Variants in LTB4R2 observed in about 807,000 individuals in gnomAD.
LTB4R2 encodes the protein leukotriene B4 receptor 2.
A neutral mutation model predicts 5.3 loss-of-function variants in LTB4R2; 6 were observed. That is an observed-to-expected ratio of 1.14 (90% CI 0.62 to 2.24). The LOEUF is 2.24. Among genes scored for constraint, LTB4R2 ranks in the 30% most tolerant of loss-of-function variants. The pLI, the probability that LTB4R2 is intolerant of heterozygous loss-of-function variation, is 0.00. For missense variants in LTB4R2, 560 were observed against 521.5 expected (o/e 1.07, Z -0.72); for synonymous variants, 310 against 264.2 (o/e 1.17, Z -1.68).
At position 24,310,817 on chromosome 14, in the gene LTB4R2, A is replaced by G; in HGVS notation, c.153A>G (p.Ala51=). The part of the protein sequence containing the change: ...VVWSLAGWRP[A]RGRPLAATLV... ...GGAGCTTGGCGGGCTGGCGGCCTGCACGGGGGCGACCGCTGGCGGCCACGC... is the reference window on the plus strand; with the variant it reads ...GGAGCTTGGCGGGCTGGCGGCCTGCGCGGGGGCGACCGCTGGCGGCCACGC... Residue 51 remains alanine, a synonymous_variant, in exon 2 of 2, where the codon GCA becomes GCG. Transcript: ENST00000533293. The G allele has an allele frequency of 6.3e-7, 1 of 1,595,036 alleles. No individual in the cohort carries two copies. The highest frequency in any genetic ancestry group is 8.5e-7 in the Non-Finnish European group (1 of 1,173,790).
Position 24,310,899 on chromosome 14 carries a change from G to T in LTB4R2, c.235G>T (p.Val79Leu). 1 of 1,593,294 alleles carries T rather than the reference G, an allele frequency of 6.3e-7. No homozygotes were observed. Among genetic ancestry groups the T allele is most frequent in the Non-Finnish European group, 8.5e-7 (1 of 1,176,982 alleles). The stretch of plus-strand genomic sequence containing the variant: ...GGTGCTGCTGCTCACGCCGCTCTTT[G>T]TGGCCTTCCTGACCCGGCAGGCCTG... ...GAVLLLTPLFVAFLTRQAWPL... is the reference protein window; with the variant it reads ...GAVLLLTPLFLAFLTRQAWPL... Residue 79 changes from valine to leucine, a missense_variant, in exon 2 of 2, where the codon GTG becomes TTG. By Grantham distance (32) the Val-to-Leu change is conservative. Coordinates refer to ENST00000533293, the MANE Select transcript of LTB4R2 (RefSeq NM_019839.5).
In LTB4R2 at chr14:24,311,903, A is replaced by G; in HGVS notation, c.*162A>G. 3 of 662,642 alleles carry G rather than the reference A, an allele frequency of 4.5e-6. No individual in the cohort carries two copies. The highest frequency in any genetic ancestry group is 2.8e-5 in the East Asian group (1 of 35,794). 41.0% of individuals were successfully genotyped at this position (662,642 alleles called of 1,614,324 possible). Reference sequence around the variant, plus strand: ...CTTGGGGCAGGCCCAGGCTCCTCCAAACTGAGGGATTATGAGGGTGGTGAT... The same window carrying G: ...CTTGGGGCAGGCCCAGGCTCCTCCAGACTGAGGGATTATGAGGGTGGTGAT... On this transcript the variant is annotated 3_prime_UTR_variant, in exon 2 of 2. Coordinates refer to ENST00000533293, the MANE Select transcript of LTB4R2 (RefSeq NM_019839.5).
Position 24,310,611 on chromosome 14 carries a change from C to T in LTB4R2, c.-10-44C>T, listed in dbSNP as rs373982791. The T allele has an allele frequency of 1.1e-4, 167 of 1,583,956 alleles. 1 individual carries two copies. Among genetic ancestry groups the T allele is most frequent in the Admixed American group, 3.7e-4 (22 of 59,956 alleles). On this transcript the variant is annotated intron_variant, in intron 1 of 1. Coordinates refer to ENST00000533293, the MANE Select transcript of LTB4R2 (RefSeq NM_019839.5). ...TCGGGCATCACAGGTGGGGTTTTGCCCCACCCCTGAACGCCCTCTGTGGCG... is the reference window on the plus strand; with the variant it reads ...TCGGGCATCACAGGTGGGGTTTTGCTCCACCCCTGAACGCCCTCTGTGGCG...
At position 24,311,303 on chromosome 14, in the gene LTB4R2, G is replaced by C. The variant is rs2041695763; in HGVS notation, c.639G>C (p.Trp213Cys). Residue 213 changes from tryptophan (W) to cysteine (C), a missense_variant, in exon 2 of 2, where the codon TGG becomes TGC. Coordinates refer to ENST00000533293, the MANE Select transcript of LTB4R2 (RefSeq NM_019839.5). The stretch of plus-strand genomic sequence containing the variant: ...TGGCACGGCTGCGGGGCGCCCGCTG[G>C]GGCTCCGGGCGGCACGGGGCGCGGG... ...VTLARLRGAR[W>C]GSGRHGARVG... The C allele has an allele frequency of 1.3e-6, 2 of 1,592,094 alleles. No individual in the cohort carries two copies. Among genetic ancestry groups the C allele is most frequent in the South Asian group, 1.1e-5 (1 of 89,082 alleles).
intron 1 of LTB4R2, 129 bp downstream of exon 1, chr14:24,310,384 G>C: frequency 1.6e-6 from 1 of 617,496 alleles, no homozygotes. Context: ...ACAGCCTGGG[G>C]TGATGACTTT....
chr14:24,311,029 C>T lies in LTB4R2; in HGVS notation c.365C>T (p.Ala122Val). The change falls in exon 2 of 2, where the codon GCA becomes GTA. Residue 122 changes from alanine to valine, a missense_variant. Coordinates refer to ENST00000533293, the MANE Select transcript of LTB4R2 (RefSeq NM_019839.5). ...TGLLSLQRCLAVTRPFLAPRL... is the reference protein window; with the variant it reads ...TGLLSLQRCLVVTRPFLAPRL... Reference sequence around the variant, plus strand: ...CTGCTCAGCCTGCAGCGCTGCCTCGCAGTCACCCGCCCCTTCCTGGCGCCT... The same window carrying T: ...CTGCTCAGCCTGCAGCGCTGCCTCGTAGTCACCCGCCCCTTCCTGGCGCCT... 2 of 1,582,272 alleles carry T rather than the reference C, an allele frequency of 1.3e-6. No individual in the cohort carries two copies. The highest frequency in any genetic ancestry group is 2.2e-5 in the South Asian group (2 of 89,034).
At position 24,311,710 on chromosome 14, in the gene LTB4R2, T is replaced by G; in HGVS notation, c.1046T>G (p.Met349Arg). The change falls in exon 2 of 2, where the codon ATG (methionine) becomes AGG (arginine). Residue 349 changes from methionine (M) to arginine (R), a missense_variant. Met to Arg is a moderately conservative substitution (Grantham distance 91). Coordinates refer to ENST00000533293, the MANE Select transcript of LTB4R2 (RefSeq NM_019839.5). ...GGCAATGGAGACCCGGGGGGTGGGA[T>G]GGAGAAGGACGGTCCGGAATGGGAC... ...GRGNGDPGGG[M>R]EKDGPEWDL is the part of the protein sequence containing the mutation. 6.2e-7 allele frequency: 1 copy of G among 1,604,594 alleles called. No individual in the cohort carries two copies.
rs746485780 is a variant in LTB4R2 at position 24,311,033 on chromosome 14, C to T, written c.369C>T (p.Val123=). Residue 123 remains valine, a synonymous_variant, in exon 2 of 2, where the codon GTC becomes GTT. Transcript: ENST00000533293. Reference sequence around the variant, plus strand: ...TCAGCCTGCAGCGCTGCCTCGCAGTCACCCGCCCCTTCCTGGCGCCTCGGC... The same window carrying T: ...TCAGCCTGCAGCGCTGCCTCGCAGTTACCCGCCCCTTCCTGGCGCCTCGGC... ...GLLSLQRCLA[V]TRPFLAPRLR... is the part of the protein sequence containing the mutation. 5.1e-6 allele frequency: 8 copies of T among 1,580,510 alleles called. No individual in the cohort carries two copies. The East Asian group carries it at 1.2e-4, about 23-fold the overall frequency.
At position 24,311,266 on chromosome 14, in the gene LTB4R2, A is replaced by G. The variant is rs762925143; in HGVS notation, c.602A>G (p.Tyr201Cys). Residue 201 changes from tyrosine to cysteine, a missense_variant, in exon 2 of 2, where the codon TAC becomes TGC. Coordinates refer to ENST00000533293, the MANE Select transcript of LTB4R2 (RefSeq NM_019839.5). ...CCTTTCGGGCTGATGCTCGGCTGCTACAGCGTGACGCTGGCACGGCTGCGG... is the reference window on the plus strand; with the variant it reads ...CCTTTCGGGCTGATGCTCGGCTGCTGCAGCGTGACGCTGGCACGGCTGCGG... Reference protein sequence around the residue: ...VLPFGLMLGCYSVTLARLRGA... With the variant: ...VLPFGLMLGCCSVTLARLRGA... The G allele has an allele frequency of 6.2e-6, 10 of 1,601,960 alleles. No homozygotes were observed. Among genetic ancestry groups the G allele is most frequent in the Admixed American group, 3.4e-5 (2 of 58,632 alleles).
Position 24,311,352 on chromosome 14 carries a change from G to C in LTB4R2, c.688G>C (p.Val230Leu). 6.2e-7 allele frequency: 1 copy of C among 1,605,772 alleles called. No individual in the cohort carries two copies. The highest frequency in any genetic ancestry group is 1.1e-5 in the South Asian group (1 of 90,942). Residue 230 changes from valine to leucine, a missense_variant, in exon 2 of 2, where the codon GTG becomes CTG. Physicochemically the swap from Val to Leu is conservative, Grantham distance 32. Coordinates refer to ENST00000533293, the MANE Select transcript of LTB4R2 (RefSeq NM_019839.5). ...ARVGRLVSAIVLAFGLLWAPY... is the reference protein window; with the variant it reads ...ARVGRLVSAILLAFGLLWAPY... ...GGTGGGCCGGCTGGTGAGCGCCATC[G>C]TGCTTGCCTTCGGCTTGCTCTGGGC...
Position 24,311,140 on chromosome 14 carries a change from A to G in LTB4R2, c.476A>G (p.Tyr159Cys), listed in dbSNP as rs771073522. The change falls in exon 2 of 2, where the codon TAC (tyrosine) becomes TGC (cysteine). Residue 159 changes from tyrosine (Y) to cysteine (C), a missense_variant. Physicochemically the swap from Tyr to Cys is radical, Grantham distance 194. Coordinates refer to ENST00000533293, the MANE Select transcript of LTB4R2 (RefSeq NM_019839.5). Reference sequence around the variant, plus strand: ...TTGCTCGCCGTCCCGGCCGCCGTCTACCGCCACCTGTGGAGGGACCGCGTA... The same window carrying G: ...TTGCTCGCCGTCCCGGCCGCCGTCTGCCGCCACCTGTGGAGGGACCGCGTA... The part of the protein sequence containing the change: ...ALLLAVPAAV[Y>C]RHLWRDRVCQ... The G allele has an allele frequency of 2.5e-6, 4 of 1,593,294 alleles. No homozygotes were observed. Among genetic ancestry groups the G allele is most frequent in the Non-Finnish European group, 3.4e-6 (4 of 1,173,716 alleles).
chr14:24,310,739 C>A lies in LTB4R2; in HGVS notation c.75C>A (p.Ala25=). 1 of 1,611,904 alleles carries A rather than the reference C, an allele frequency of 6.2e-7. No homozygotes were observed. Among genetic ancestry groups the A allele is most frequent in the Non-Finnish European group, 8.5e-7 (1 of 1,179,850 alleles). Residue 25 remains alanine (A), a synonymous_variant, in exon 2 of 2, where the codon GCC becomes GCA. Coordinates refer to ENST00000533293, the MANE Select transcript of LTB4R2 (RefSeq NM_019839.5). ...AGACTTCGCGGGCCACAGGCACAGC[C>A]TTCCTGCTGCTGGCGGCGCTGCTGG... ...SWKTSRATGT[A]FLLLAALLGL...
At position 24,311,389 on chromosome 14, in the gene LTB4R2, C is replaced by A. The variant is rs1232187243; in HGVS notation, c.725C>A (p.Ala242Glu). ...AFGLLWAPYH[A>E]VNLLQAVAAL... ...GGCTTGCTCTGGGCCCCCTACCACGCAGTCAACCTTCTGCAGGCGGTCGCA... is the reference window on the plus strand; with the variant it reads ...GGCTTGCTCTGGGCCCCCTACCACGAAGTCAACCTTCTGCAGGCGGTCGCA... Residue 242 changes from alanine (A) to glutamate (E), a missense_variant, in exon 2 of 2, where the codon GCA (alanine) becomes GAA (glutamate). Transcript: ENST00000533293. The A allele has an allele frequency of 1.9e-6, 3 of 1,602,736 alleles. No homozygotes were observed. The African/African-American group carries it at 4.0e-5, about 21-fold the overall frequency.
chr14:24,310,513 G>C, intron 1 of LTB4R2, 142 bp from the exon 2 acceptor site: 1 of 841,528 alleles, frequency 1.2e-6, no homozygotes, highest in Admixed American at 2.0e-5. Flanking sequence ...CTGGGTCCTC[G>C]TGGAAGTCAG....
At position 24,311,655 on chromosome 14, in the gene LTB4R2, C is replaced by T. The variant is rs2041709400; in HGVS notation, c.991C>T (p.Pro331Ser). 1 of 1,613,000 alleles carries T rather than the reference C, an allele frequency of 6.2e-7. No individual in the cohort carries two copies. The highest frequency in any genetic ancestry group is 8.5e-7 in the Non-Finnish European group (1 of 1,179,504). Residue 331 changes from proline (P) to serine (S), a missense_variant, in exon 2 of 2, where the codon CCT becomes TCT. Physicochemically the swap from Pro to Ser is moderately conservative, Grantham distance 74. Coordinates refer to ENST00000533293, the MANE Select transcript of LTB4R2 (RefSeq NM_019839.5). ...REGTMELRTTPQLKVVGQGRG... is the reference protein window; with the variant it reads ...REGTMELRTTSQLKVVGQGRG... ...AGGGACCATGGAGCTCCGAACTACC[C>T]CTCAGCTGAAAGTGGTGGGGCAGGG...
Position 24,311,317 on chromosome 14 carries a change from A to C in LTB4R2, c.653A>C (p.His218Pro). Residue 218 changes from histidine (H) to proline (P), a missense_variant, in exon 2 of 2, where the codon CAC (histidine) becomes CCC (proline). His to Pro is a moderately conservative substitution (Grantham distance 77). Transcript: ENST00000533293. ...GGCGCCCGCTGGGGCTCCGGGCGGC[A>C]CGGGGCGCGGGTGGGCCGGCTGGTG... ...LRGARWGSGR[H>P]GARVGRLVSA... 6.3e-7 allele frequency: 1 copy of C among 1,597,630 alleles called. No homozygotes were observed. Among genetic ancestry groups the C allele is most frequent in the Non-Finnish European group, 8.5e-7 (1 of 1,172,880 alleles).
Position 24,311,885 on chromosome 14 carries a change from C to A in LTB4R2, c.*144C>A. 1.4e-6 allele frequency: 1 copy of A among 735,628 alleles called. No homozygotes were observed. The highest frequency in any genetic ancestry group is 2.2e-6 in the Non-Finnish European group (1 of 452,744). The allele number at this position is 735,628 out of a possible 1,614,324, so 45.6% of individuals were successfully genotyped here. A position where few individuals can be genotyped will look rare whatever the true frequency, so the allele number is the denominator to read the frequency against. On this transcript the variant is annotated 3_prime_UTR_variant, in exon 2 of 2. Transcript: ENST00000533293. ...GGGTAGGATTACTATACACTTGGGG[C>A]AGGCCCAGGCTCCTCCAAACTGAGG...
Position 24,310,252 on chromosome 14 carries a change from C to A in LTB4R2, c.-14C>A. ...GGCCCCCAATCCTGCTTGCTCCCAGCTTGGTAAGTAGATCTGTGCACGTCC... is the reference window on the plus strand; with the variant it reads ...GGCCCCCAATCCTGCTTGCTCCCAGATTGGTAAGTAGATCTGTGCACGTCC... On this transcript the variant is annotated 5_prime_UTR_variant, in exon 1 of 2. Transcript: ENST00000533293. The A allele has an allele frequency of 2.0e-6, 1 of 507,148 alleles. No individual in the cohort carries two copies. Among genetic ancestry groups the A allele is most frequent in the Non-Finnish European group, 3.5e-6 (1 of 284,544 alleles). The allele number at this position is 507,148 out of a possible 1,614,324, so 31.4% of individuals were successfully genotyped here. A position where few individuals can be genotyped will look rare whatever the true frequency, so the allele number is the denominator to read the frequency against.
chr14:24,311,282 A>T lies in LTB4R2; in HGVS notation c.618A>T (p.Ala206=), dbSNP rs1235474226. The change falls in exon 2 of 2, where the codon GCA becomes GCT. Residue 206 remains alanine, a synonymous_variant. Transcript: ENST00000533293. ...TCGGCTGCTACAGCGTGACGCTGGC[A>T]CGGCTGCGGGGCGCCCGCTGGGGCT... ...LMLGCYSVTL[A]RLRGARWGSG... 4 of 1,592,830 alleles carry T rather than the reference A, an allele frequency of 2.5e-6. No individual in the cohort carries two copies. The highest frequency in any genetic ancestry group is 3.3e-4 in the Middle Eastern group (2 of 6,020).
Sources: gnomAD v4.1 joint callset for allele counts on GRCh38, gnomAD v4.1.1 for gene constraint, MANE v1.5 for transcripts, NCBI Gene and HGNC (gene_info 2026-07-23, HGNC 2026-07-21) for gene names.